BABAM2: variants seen among roughly 807,000 people sequenced by gnomAD.
BABAM2 encodes BRISC and BRCA1 A complex member 2.
In BABAM2, 31 loss-of-function variants were observed where a neutral mutation model predicts 54.7. That is an observed-to-expected ratio of 0.57 (90% CI 0.43 to 0.77). The LOEUF is 0.77. Ranked by LOEUF, BABAM2 falls within the 30% of genes least tolerant of loss-of-function variation. The pLI, the probability that BABAM2 is intolerant of heterozygous loss-of-function variation, is 0.00. For missense variants in BABAM2, 364 were observed against 455.8 expected (o/e 0.80, Z 1.83); for synonymous variants, 167 against 162.9 (o/e 1.03, Z -0.19).
intron 7 of BABAM2, among the ~76,000 whole-genome samples, chr2:28,210,810 T>C (rs1245470193): frequency 1.3e-5 from 2 of 152,202 alleles, no homozygotes; most frequent in Non-Finnish European, 2.9e-5. Context: ...TCCAAAAGAA[T>C]AGTGGGTAAG....
At chr2:28,228,797 T>C (rs968647003) in intron 7 of BABAM2, among the ~76,000 whole-genome samples, 1 of 152,206 alleles carries the variant, frequency 6.6e-6, no homozygotes, top group African/African-American at 2.4e-5. Flanking sequence ...TAAAATACTT[T>C]TCCACATGCT....
chr2:28,119,097 C>T (rs1056008119), intron 6 of BABAM2, among the ~76,000 whole-genome samples: 2 of 152,092 alleles, frequency 1.3e-5, no homozygotes, highest in African/African-American at 4.8e-5. Flanking sequence ...TGTTTTGGTA[C>T]CAGTACTATG....
chr2:28,021,691 G>A (rs1675280673), intron 4 of BABAM2, among the ~76,000 whole-genome samples: 2 of 152,072 alleles, frequency 1.3e-5, no homozygotes, highest in South Asian at 4.2e-4. Flanking sequence ...TAATTTTCTT[G>A]TTATATTTCT....
intron 4 of BABAM2, among the ~76,000 whole-genome samples, chr2:28,005,638 G>T (rs1196609869): frequency 2.6e-5 from 4 of 152,042 alleles, no homozygotes; most frequent in African/African-American, 7.2e-5. Flanking sequence ...CTATAAATTT[G>T]TAAGTAGCCA....
chr2:28,107,988 G>A (rs1667675187), intron 6 of BABAM2, among the ~76,000 whole-genome samples: 1 of 152,124 alleles, frequency 6.6e-6, no homozygotes, highest in South Asian at 2.1e-4. Flanking sequence ...GGCAGTAGTG[G>A]GTCCAGCCTT....
chr2:27,966,480 T>C (rs1189096227), intron 3 of BABAM2, among the ~76,000 whole-genome samples: 1 of 152,232 alleles, frequency 6.6e-6, no homozygotes, highest in Non-Finnish European at 1.5e-5. Flanking sequence ...AATTCATTCG[T>C]CTTTGACCAG....
intron 4 of BABAM2, among the ~76,000 whole-genome samples, chr2:28,016,764 T>C (rs1367407351): frequency 6.6e-6 from 1 of 152,250 alleles, no homozygotes; most frequent in Non-Finnish European, 1.5e-5. Flanking sequence ...TTACCAATAT[T>C]TATTTCTATC....
rs57307167 is a variant in BABAM2, at chr2:28,260,945, T to C, written c.934+16083T>C. ...TCAAAATTTTTCATTTTCTTTCTTTTTTTTTTTTTTTTTTGAGATGACGTC... is the reference window on the plus strand; with the variant it reads ...TCAAAATTTTTCATTTTCTTTCTTTCTTTTTTTTTTTTTTGAGATGACGTC... On this transcript the variant is annotated intron_variant, in intron 10 of 11. Coordinates refer to ENST00000379624, the MANE Select transcript of BABAM2 (RefSeq NM_199191.3). 5.0e-3 allele frequency among the ~76,000 whole-genome samples: 560 copies of C among 110,946 alleles called. 4 individuals carry two copies. Among genetic ancestry groups the C allele is most frequent in the African/African-American group, 0.017 (483 of 29,084 alleles). The allele number at this position is 110,946 out of a possible 152,430, so 72.8% of individuals were successfully genotyped here. A position where few individuals can be genotyped will look rare whatever the true frequency, so the allele number is the denominator to read the frequency against.
chr2:28,027,859 A>G (rs370500590), intron 5 of BABAM2, among the ~76,000 whole-genome samples: 1 of 151,866 alleles, frequency 6.6e-6, no homozygotes, highest in Non-Finnish European at 1.5e-5. Flanking sequence ...CCTCTCCTCT[A>G]TTTTTTACTT....
At chr2:28,104,806 T>TA (rs1265820376) in intron 6 of BABAM2, among the ~76,000 whole-genome samples, 3 of 152,192 alleles carry the variant, frequency 2.0e-5, no homozygotes, top group African/African-American at 7.2e-5. Context: ...CCATCAATGA[T>TA]AGACTGGATT....
At chr2:28,234,059 C>T (rs947889369) in intron 7 of BABAM2, among the ~76,000 whole-genome samples, 5 of 152,148 alleles carry the variant, frequency 3.3e-5, no homozygotes, top group African/African-American at 1.2e-4. Context: ...TTAAAATCCC[C>T]CTCCTCTCAG....
chr2:27,890,268 G>A (rs567504415), upstream of BABAM2: 12 of 1,613,712 alleles, frequency 7.4e-6, no homozygotes, highest in African/African-American at 1.5e-4. The surrounding 1 kb of genome is among the most constrained non-coding windows in gnomAD (Gnocchi z 4.8). Flanking sequence ...TGACCAGGTC[G>A]GTCATGCAGG....
chr2:28,237,118 G>C, intron 7 of BABAM2, 84 bp from the exon 8 acceptor site: 1 of 1,161,616 alleles, frequency 8.6e-7, no homozygotes, highest in South Asian at 1.3e-5. Context: ...ACTTTGATGA[G>C]AGAAGCCAAG....
chr2:28,014,448 T>C (rs1425597888), intron 4 of BABAM2, among the ~76,000 whole-genome samples: 2 of 152,180 alleles, frequency 1.3e-5, no homozygotes, highest in Non-Finnish European at 2.9e-5. Flanking sequence ...TTCAGTTTAC[T>C]TGACAGACAC....
chr2:27,904,835 C>T (rs1666076444), intron 2 of BABAM2, among the ~76,000 whole-genome samples: 1 of 152,134 alleles, frequency 6.6e-6, no homozygotes, highest in Admixed American at 6.5e-5. Flanking sequence ...TTCTCCCTTT[C>T]TTAGGATGCT....
intron 2 of BABAM2, among the ~76,000 whole-genome samples, chr2:27,897,636 A>G (rs1024693387): frequency 6.6e-6 from 1 of 151,550 alleles, no homozygotes; most frequent in Non-Finnish European, 1.5e-5. Flanking sequence ...GTGACTTTTT[A>G]GGGTTTTTTT....
At chr2:28,198,046 A>G (rs1677804176) in intron 7 of BABAM2, among the ~76,000 whole-genome samples, 1 of 152,226 alleles carries the variant, frequency 6.6e-6, no homozygotes, top group Non-Finnish European at 1.5e-5. Flanking sequence ...ATGTAAGGAT[A>G]AATTAGAAGG....
At chr2:28,139,680 A>T (rs545158442) in intron 7 of BABAM2, among the ~76,000 whole-genome samples, 1 of 152,304 alleles carries the variant, frequency 6.6e-6, no homozygotes, top group East Asian at 1.9e-4. Context: ...GTCTTTCTGT[A>T]TTGTGTCTTG....
At chr2:28,193,441 C>T (rs1249927850) in intron 7 of BABAM2, among the ~76,000 whole-genome samples, 2 of 152,044 alleles carry the variant, frequency 1.3e-5, no homozygotes. Flanking sequence ...GTGACCTCGG[C>T]AAGTCATGTG....
Sources: gnomAD v4.1 joint callset for allele counts (sites outside exome capture counted in the v4.1 genomes callset) on GRCh38, gnomAD v4.1.1 for gene constraint, Gnocchi (gnomAD v3.1) non-coding constraint, MANE v1.5 for transcripts, NCBI Gene and HGNC (gene_info 2026-07-23, HGNC 2026-07-21) for gene names.